CCHCR1: variants seen among roughly 807,000 people sequenced by gnomAD.
CCHCR1 encodes HCR (a-helix coiled-coil rod homologue).
A neutral mutation model predicts 114.6 loss-of-function variants in CCHCR1; 91 were observed. The ratio of observed to expected loss-of-function variants is 0.79; its 90% CI spans 0.67 to 0.94. The LOEUF is 0.94. CCHCR1 is among the 40% of genes least tolerant of loss of function. CCHCR1 has a pLI of 0.00. For synonymous variants in CCHCR1, 379 were observed against 428.5 expected (o/e 0.88, Z 1.43); for missense variants, 899 against 1,079.9 (o/e 0.83, Z 2.35).
Position 31,143,329 on chromosome 6 carries a change from C to A in CCHCR1, c.2252G>T (p.Arg751Leu). 1 of 1,612,900 alleles carries A rather than the reference C, an allele frequency of 6.2e-7. No individual in the cohort carries two copies. The highest frequency in any genetic ancestry group is 8.5e-7 in the Non-Finnish European group (1 of 1,180,030). Residue 751 changes from arginine to leucine, a missense_variant, in exon 16 of 18, where the codon CGG becomes CTG. Physicochemically the swap from Arg to Leu is moderately radical, Grantham distance 102. Transcript: ENST00000396268. The surrounding 1 kb of genome is among the most constrained non-coding windows in gnomAD (Gnocchi z 5.3). The stretch of plus-strand genomic sequence containing the variant: ...GGCCAGTCGCTGCCCCTCCTCCTTC[C>A]GGGCCTCCTCCTGCAGACGCCTGAG... ...QELRRLQEEA[R>L]KEEGQRLARR...
chr6:31,149,009 G>A lies in CCHCR1; in HGVS notation c.1363-281C>T, dbSNP rs192534170. On this transcript the variant is annotated intron_variant, in intron 8 of 17. Transcript: ENST00000396268. ...TCTACTAAAAATACAAAAATTAGCT[G>A]AGCGTGATGGCATGTGCCTGTAATC... Among the ~76,000 whole-genome samples, 309 of 152,066 alleles carry A rather than the reference G, an allele frequency of 2.0e-3. 5 individuals are homozygous for A. The highest frequency in any genetic ancestry group is 0.014 in the South Asian group (66 of 4,812).
Position 31,142,553 on chromosome 6 carries a change from C to T in CCHCR1, c.*39G>A, listed in dbSNP as rs1380775582. 1 of 1,596,688 alleles carries T rather than the reference C, an allele frequency of 6.3e-7. No homozygotes were observed. The highest frequency in any genetic ancestry group is 1.3e-5 in the African/African-American group (1 of 74,834). ...CCCCACCCACTTCTCCAGGATCCTC[C>T]CAGCCCCCAGGCTGGCTTTCCCTCC... On this transcript the variant is annotated 3_prime_UTR_variant, in exon 18 of 18. Coordinates refer to ENST00000396268, the MANE Select transcript of CCHCR1 (RefSeq NM_001105564.2).
chr6:31,154,410 TCTTTTCTG>T lies in CCHCR1; in HGVS notation c.801+78_801+85del. Reference sequence around the variant, plus strand: ...TCTACTACTCACTACTCATGGAGGGTCTTTTCTGCAATACCTGTTCTTTGCTTGGAAGC... The same window carrying T: ...TCTACTACTCACTACTCATGGAGGGTCAATACCTGTTCTTTGCTTGGAAGC... On this transcript the variant is annotated intron_variant, in intron 4 of 17. Coordinates refer to ENST00000396268, the MANE Select transcript of CCHCR1 (RefSeq NM_001105564.2). The surrounding 1 kb of genome is among the most constrained non-coding windows in gnomAD (Gnocchi z 4.1). 9.9e-7 allele frequency: 1 copy of T among 1,009,442 alleles called. No individual in the cohort carries two copies. The highest frequency in any genetic ancestry group is 2.4e-5 in the East Asian group (1 of 41,682). 62.5% of individuals were successfully genotyped at this position (1,009,442 alleles called of 1,614,324 possible). A position where few individuals can be genotyped will look rare whatever the true frequency, so the allele number is the denominator to read the frequency against.
intron 12 of CCHCR1, 46 bp downstream of exon 12, chr6:31,145,402 G>C: frequency 1.2e-6 from 2 of 1,613,116 alleles, no homozygotes; most frequent in Non-Finnish European, 1.7e-6. Context: ...GGTCCCAGCA[G>C]CCAATGCCCT....
Position 31,157,783 on chromosome 6 carries a change from T to C in CCHCR1, c.-183A>G, listed in dbSNP as rs1320897749. On this transcript the variant is annotated 5_prime_UTR_variant, in exon 1 of 18. Coordinates refer to ENST00000396268, the MANE Select transcript of CCHCR1 (RefSeq NM_001105564.2). ...CTCTTTCTCGAGTCCTAACACATAG[T>C]GGGCACTTTAAGATCTTCCTCCCAC... 3.3e-6 allele frequency: 2 copies of C among 602,666 alleles called. No homozygotes were observed. Among genetic ancestry groups the C allele is most frequent in the Non-Finnish European group, 5.9e-6 (2 of 340,066 alleles). 37.3% of individuals were successfully genotyped at this position (602,666 alleles called of 1,614,324 possible). A position where few individuals can be genotyped will look rare whatever the true frequency, so the allele number is the denominator to read the frequency against.
intron 4 of CCHCR1, among the ~76,000 whole-genome samples, chr6:31,153,178 T>C (rs1330101029): frequency 6.6e-6 from 1 of 152,002 alleles, no homozygotes; most frequent in Non-Finnish European, 1.5e-5. Context: ...TTCTTCATGT[T>C]GGCCAGGTTG....
rs765681508 is a variant in CCHCR1 at position 31,154,872 on chromosome 6, CAGG to C, written c.498-76_498-74del. ...GGATAGTTGAGGGCATAAACATAGC[CAGG>C]AGAAGGAAAAGAGGACCCCTCTGCT... On this transcript the variant is annotated intron_variant, in intron 3 of 17. Coordinates refer to ENST00000396268, the MANE Select transcript of CCHCR1 (RefSeq NM_001105564.2). The surrounding 1 kb of genome is among the most constrained non-coding windows in gnomAD (Gnocchi z 4.1). The C allele has an allele frequency of 1.4e-6, 2 of 1,393,380 alleles. No homozygotes were observed. Among genetic ancestry groups the C allele is most frequent in the East Asian group, 2.4e-5 (1 of 41,128 alleles). 86.3% of individuals were successfully genotyped at this position (1,393,380 alleles called of 1,614,324 possible).
Position 31,144,604 on chromosome 6 carries a change from C to T in CCHCR1, c.2167+83G>A. 1.1e-6 allele frequency: 1 copy of T among 871,286 alleles called. No homozygotes were observed. Among genetic ancestry groups the T allele is most frequent in the Non-Finnish European group, 1.8e-6 (1 of 549,118 alleles). The allele number at this position is 871,286 out of a possible 1,614,324, so 54.0% of individuals were successfully genotyped here. The stretch of plus-strand genomic sequence containing the variant: ...TTACTTCCTGTAATGAAGCTTTGAA[C>T]ACACTTTGAGGGGAAAATAATAACC... On this transcript the variant is annotated intron_variant, in intron 15 of 17. Transcript: ENST00000396268. The surrounding 1 kb of genome is among the most constrained non-coding windows in gnomAD (Gnocchi z 4.6).
At chr6:31,153,352 A>G (rs1775524202) in intron 4 of CCHCR1, among the ~76,000 whole-genome samples, 1 of 151,724 alleles carries the variant, frequency 6.6e-6, no homozygotes, top group Non-Finnish European at 1.5e-5. Context: ...TCCCTTACCA[A>G]TTTCTAGGCA....
chr6:31,150,393 A>G lies in CCHCR1; in HGVS notation c.1212+62T>C. The G allele has an allele frequency of 6.9e-7, 1 of 1,443,106 alleles. No homozygotes were observed. Among genetic ancestry groups the G allele is most frequent in the Non-Finnish European group, 9.7e-7 (1 of 1,034,468 alleles). 89.4% of individuals were successfully genotyped at this position (1,443,106 alleles called of 1,614,324 possible). On this transcript the variant is annotated intron_variant, in intron 7 of 17. Coordinates refer to ENST00000396268, the MANE Select transcript of CCHCR1 (RefSeq NM_001105564.2). This position sits in a 1 kb window ranked among gnomAD's most constrained non-coding sequence, Gnocchi z 5.3. The stretch of plus-strand genomic sequence containing the variant: ...TGACCCCTCCTGCCCACAGGGAGGG[A>G]GGCAGGGGACAGTAGATGCAGGATG...
At chr6:31,153,876 G>A (rs1211002287) in intron 4 of CCHCR1, among the ~76,000 whole-genome samples, 1 of 152,076 alleles carries the variant, frequency 6.6e-6, no homozygotes, top group Non-Finnish European at 1.5e-5. Context: ...CTGCGCCCAG[G>A]GCTATGGTTT....
In CCHCR1 at chr6:31,143,322, C is replaced by G. The variant is rs1206034207; in HGVS notation, c.2259G>C (p.Glu753Asp). The G allele has an allele frequency of 6.2e-7, 1 of 1,612,890 alleles. No homozygotes were observed. The change falls in exon 16 of 18, where the codon GAG becomes GAC. Residue 753 changes from glutamate (E) to aspartate (D), a missense_variant. By Grantham distance (45) the Glu-to-Asp change is conservative (BLOSUM62 2). Coordinates refer to ENST00000396268, the MANE Select transcript of CCHCR1 (RefSeq NM_001105564.2). The surrounding 1 kb of genome is among the most constrained non-coding windows in gnomAD (Gnocchi z 5.3). ...LRRLQEEARK[E>D]EGQRLARRLQ... ...AGCGCCGGGCCAGTCGCTGCCCCTC[C>G]TCCTTCCGGGCCTCCTCCTGCAGAC... is the stretch of plus-strand genomic sequence containing the variant.
chr6:31,150,407 A>G lies in CCHCR1; in HGVS notation c.1212+48T>C, dbSNP rs1488623647. On this transcript the variant is annotated intron_variant, in intron 7 of 17. Transcript: ENST00000396268. This position sits in a 1 kb window ranked among gnomAD's most constrained non-coding sequence, Gnocchi z 5.3. ...CACAGGGAGGGAGGCAGGGGACAGTAGATGCAGGATGCGGCTGAGGGTGAG... is the reference window on the plus strand; with the variant it reads ...CACAGGGAGGGAGGCAGGGGACAGTGGATGCAGGATGCGGCTGAGGGTGAG... 1.3e-6 allele frequency: 2 copies of G among 1,507,452 alleles called. No individual in the cohort carries two copies. The highest frequency in any genetic ancestry group is 2.3e-5 in the South Asian group (2 of 86,764). The allele number at this position is 1,507,452 out of a possible 1,614,324, so 93.4% of individuals were successfully genotyped here. A position where few individuals can be genotyped will look rare whatever the true frequency, so the allele number is the denominator to read the frequency against.
In CCHCR1 at chr6:31,154,536, T is replaced by C. The variant is rs1213532858; in HGVS notation, c.761A>G (p.Gln254Arg). ...VVRKNLEEGS[Q>R]RELEEVQRLH... ...CCTCTGAACCTCTTCCAGCTCCCGC[T>C]GGCTCCCCTCTTCCAAGTTCTTCCG... The change falls in exon 4 of 18, where the codon CAG becomes CGG. Residue 254 changes from glutamine to arginine, a missense_variant. Physicochemically the swap from Gln to Arg is conservative, Grantham distance 43. Coordinates refer to ENST00000396268, the MANE Select transcript of CCHCR1 (RefSeq NM_001105564.2). The surrounding 1 kb of genome is among the most constrained non-coding windows in gnomAD (Gnocchi z 4.1). 1.2e-6 allele frequency: 2 copies of C among 1,612,710 alleles called. No individual in the cohort carries two copies. The highest frequency in any genetic ancestry group is 1.7e-6 in the Non-Finnish European group (2 of 1,179,808).
intron 12 of CCHCR1, 63 bp from the exon 13 acceptor site, chr6:31,145,365 T>A (rs1224750896): frequency 1.2e-6 from 2 of 1,611,558 alleles, no homozygotes; most frequent in Non-Finnish European, 1.7e-6. Flanking sequence ...AAAGCCCCCA[T>A]CCCACCTCAG....
chr6:31,156,622 A>C, intron 3 of CCHCR1, 109 bp downstream of exon 3: 2 of 885,750 alleles, frequency 2.3e-6, no homozygotes, highest in Non-Finnish European at 3.6e-6. Flanking sequence ...GCTTACATAA[A>C]AATGAGTACG....
In CCHCR1 at chr6:31,150,650, C is replaced by T. The variant is rs776169063; in HGVS notation, c.1101+75G>A. Reference sequence around the variant, plus strand: ...TCTCTCCCGGAGGCTGTGCTCTACACGCTCCTCCAAGGGCCACGCTTGCCT... The same window carrying T: ...TCTCTCCCGGAGGCTGTGCTCTACATGCTCCTCCAAGGGCCACGCTTGCCT... On this transcript the variant is annotated intron_variant, in intron 6 of 17. Coordinates refer to ENST00000396268, the MANE Select transcript of CCHCR1 (RefSeq NM_001105564.2). This position sits in a 1 kb window ranked among gnomAD's most constrained non-coding sequence, Gnocchi z 5.3. The T allele has an allele frequency of 7.5e-5, 120 of 1,591,302 alleles. No individual in the cohort carries two copies. Among genetic ancestry groups the T allele is most frequent in the Non-Finnish European group, 9.7e-5 (113 of 1,165,684 alleles).
Position 31,157,565 on chromosome 6 carries a change from G to A in CCHCR1, c.36C>T (p.Ala12=). Residue 12 remains alanine, a synonymous_variant, in exon 1 of 18, where the codon GCC becomes GCT. Coordinates refer to ENST00000396268, the MANE Select transcript of CCHCR1 (RefSeq NM_001105564.2). ...WPHSAGARPW[A]STLTGKDPRV... The stretch of plus-strand genomic sequence containing the variant: ...TTGGGTCCTTCCCTGTTAAAGTGCT[G>A]GCCCAAGGCCTGGCCCCAGCTGAAT... 6.2e-7 allele frequency: 1 copy of A among 1,612,676 alleles called. No individual in the cohort carries two copies. The highest frequency in any genetic ancestry group is 8.5e-7 in the Non-Finnish European group (1 of 1,179,920).
rs1576 is a variant in CCHCR1, at chr6:31,142,614, G to C, written c.2594C>G (p.Ser865Cys). Residue 865 changes from serine (S) to cysteine (C), a missense_variant, in exon 18 of 18, where the codon TCC (serine) becomes TGC (cysteine). Coordinates refer to ENST00000396268, the MANE Select transcript of CCHCR1 (RefSeq NM_001105564.2). Reference protein sequence around the residue: ...QGDNLDRCSSSNPQMSS With the variant: ...QGDNLDRCSSCNPQMSS ...TGCTTAGCTGCTCATCTGGGGATTG[G>C]AGCTGGAGCATCTGTCAAGGTTGTC... 489,972 of 1,611,658 alleles carry C rather than the reference G, an allele frequency of 0.3. 77,250 individuals are homozygous for C. Among genetic ancestry groups the C allele is most frequent in the Middle Eastern group, 0.34 (2,016 of 5,974 alleles).
Sources: gnomAD v4.1 joint callset for allele counts (sites outside exome capture counted in the v4.1 genomes callset) on GRCh38, gnomAD v4.1.1 for gene constraint, Gnocchi (gnomAD v3.1) non-coding constraint, MANE v1.5 for transcripts, NCBI Gene and HGNC (gene_info 2026-07-23, HGNC 2026-07-21) for gene names.